Variants in BORCS5 observed in about 807,000 individuals in gnomAD.
BORCS5 encodes the protein BLOC-1-related complex subunit 5.
In BORCS5, 17 loss-of-function variants were observed where a neutral mutation model predicts 22.1. The observed-to-expected ratio is 0.77, with a 90% confidence interval of 0.53 to 1.15. The LOEUF (loss-of-function observed/expected upper bound fraction) is 1.15. Ranked by LOEUF, BORCS5 falls within the 50% of genes most tolerant of loss-of-function variation. The pLI is 0.00. For synonymous variants in BORCS5, 117 were observed against 99.8 expected (o/e 1.17, Z -1.03); for missense variants, 247 against 253.2 (o/e 0.98, Z 0.17).
intron 1 of BORCS5, among the ~76,000 whole-genome samples, chr12:12,358,386 C>A (rs1183329705): frequency 6.6e-6 from 1 of 152,190 alleles, no homozygotes; most frequent in Non-Finnish European, 1.5e-5. Flanking sequence ...GTGTGACTTT[C>A]AAGACTAGTT....
chr12:12,415,220 C>G (rs866738817), intron 2 of BORCS5, among the ~76,000 whole-genome samples: 1 of 151,124 alleles, frequency 6.6e-6, no homozygotes, highest in Non-Finnish European at 1.5e-5. Flanking sequence ...GAGGTTGTAG[C>G]GAGCCGAGAT....
intron 2 of BORCS5, among the ~76,000 whole-genome samples, chr12:12,428,243 T>TC (rs1402389948): frequency 6.6e-6 from 1 of 152,242 alleles, no homozygotes; most frequent in East Asian, 1.9e-4. Context: ...ACTGTGGGTT[T>TC]CCCCCCACCT....
intron 2 of BORCS5, among the ~76,000 whole-genome samples, chr12:12,394,103 A>G (rs1221012616): frequency 1.3e-5 from 2 of 151,898 alleles, no homozygotes; most frequent in African/African-American, 4.8e-5. Flanking sequence ...AGGTGGGTGG[A>G]TCACTTGAGG....
intron 2 of BORCS5, among the ~76,000 whole-genome samples, chr12:12,433,361 G>A (rs913513037): frequency 8.8e-5 from 13 of 147,208 alleles, no homozygotes; most frequent in Non-Finnish European, 1.5e-4. Flanking sequence ...AAATCTGCCC[G>A]GGTGCAGCGG....
In BORCS5 at chr12:12,451,666, G is replaced by T. The variant is rs1450930251; in HGVS notation, c.361-13880G>T. On this transcript the variant is annotated intron_variant, in intron 3 of 3. Transcript: ENST00000314565. ...TGGGAGGCCGAGGCGGGCGGATCACGAGGTCAAGAGATCAAGACCATTCTG... is the reference window on the plus strand; with the variant it reads ...TGGGAGGCCGAGGCGGGCGGATCACTAGGTCAAGAGATCAAGACCATTCTG... Among the ~76,000 whole-genome samples, 5 of 152,224 alleles carry T rather than the reference G, an allele frequency of 3.3e-5. No homozygotes were observed. The East Asian group carries it at 9.6e-4, about 29-fold the overall frequency.
chr12:12,357,987 A>G (rs754031152), intron 1 of BORCS5, among the ~76,000 whole-genome samples: 4 of 152,198 alleles, frequency 2.6e-5, no homozygotes, highest in Non-Finnish European at 5.9e-5. Context: ...TTTTCTTCTC[A>G]GAAGGTGTCT....
chr12:12,379,324 G>A (rs1245843903), intron 2 of BORCS5, among the ~76,000 whole-genome samples: 3 of 150,380 alleles, frequency 2.0e-5, no homozygotes, highest in Admixed American at 6.6e-5. Flanking sequence ...CATGTTAGCC[G>A]GGCTGGTCTT....
intron 2 of BORCS5, among the ~76,000 whole-genome samples, chr12:12,390,899 G>A (rs1483680074): frequency 1.3e-5 from 2 of 151,900 alleles, no homozygotes; most frequent in East Asian, 1.9e-4. Context: ...AAGCCACCAC[G>A]CCCGGCCTAA....
Position 12,357,305 on chromosome 12 carries a change from C to G in BORCS5, c.-147C>G. On this transcript the variant is annotated 5_prime_UTR_variant, in exon 1 of 4. Transcript: ENST00000314565. ...CGCCCAGGCCCCTGCGTGGGCTGGA[C>G]GCGTCAGCCCCACACATTAGCCTCG... The G allele has an allele frequency of 2.7e-6, 4 of 1,456,680 alleles. No homozygotes were observed. The highest frequency in any genetic ancestry group is 3.6e-6 in the Non-Finnish European group (4 of 1,102,816). The allele number at this position is 1,456,680 out of a possible 1,614,324, so 90.2% of individuals were successfully genotyped here.
At chr12:12,456,372 C>T (rs911403193) in intron 3 of BORCS5, among the ~76,000 whole-genome samples, 3 of 152,090 alleles carry the variant, frequency 2.0e-5, no homozygotes, top group South Asian at 2.1e-4. Context: ...TCAAGGCTCC[C>T]GTGAGCTATG....
At chr12:12,433,666 T>C (rs1217885579) in intron 2 of BORCS5, among the ~76,000 whole-genome samples, 2 of 152,208 alleles carry the variant, frequency 1.3e-5, no homozygotes, top group Non-Finnish European at 2.9e-5. Flanking sequence ...TTTCTGCTAA[T>C]ACTGGATTCA....
chr12:12,435,882 T>C, intron 3 of BORCS5, 97 bp downstream of exon 3: 1 of 1,219,558 alleles, frequency 8.2e-7, no homozygotes, highest in African/African-American at 1.5e-5. Flanking sequence ...CACTATTGCT[T>C]TGAGGAGATT....
At chr12:12,452,957 C>T (rs1942938930) in intron 3 of BORCS5, among the ~76,000 whole-genome samples, 1 of 152,128 alleles carries the variant, frequency 6.6e-6, no homozygotes, top group African/African-American at 2.4e-5. Flanking sequence ...CTAGAACGTG[C>T]CATATCTTGA....
intron 3 of BORCS5, among the ~76,000 whole-genome samples, chr12:12,457,530 G>A (rs1022498348): frequency 6.6e-6 from 1 of 152,150 alleles, no homozygotes; most frequent in African/African-American, 2.4e-5. Context: ...TTAGCTGGGC[G>A]AGGTGGTGGG....
At chr12:12,434,189 A>G (rs1385908344) in intron 2 of BORCS5, among the ~76,000 whole-genome samples, 1 of 147,460 alleles carries the variant, frequency 6.8e-6, no homozygotes, top group Non-Finnish European at 1.5e-5. Context: ...AGGCTGAGGT[A>G]GGAAGATTGC....
At chr12:12,399,341 C>T (rs762067895) in intron 2 of BORCS5, among the ~76,000 whole-genome samples, 1 of 152,066 alleles carries the variant, frequency 6.6e-6, no homozygotes, top group Non-Finnish European at 1.5e-5. Context: ...GGGTTTCTTA[C>T]GTAGCCCACT....
Position 12,470,187 on chromosome 12 carries a change from C to A in BORCS5, c.*4411C>A, listed in dbSNP as rs557684751. 1.3e-5 allele frequency among the ~76,000 whole-genome samples: 2 copies of A among 152,212 alleles called. No individual in the cohort carries two copies. The highest frequency in any genetic ancestry group is 2.9e-5 in the Non-Finnish European group (2 of 68,044). On this transcript the variant is annotated 3_prime_UTR_variant, in exon 4 of 4. Transcript: ENST00000314565. ...CCGGGTTCAAGCAGTTATACTGTCT[C>A]AGCCTCCCGAGTAGCTGGGACTACA... is the stretch of plus-strand genomic sequence containing the variant.
chr12:12,399,948 A>G (rs1207680981), intron 2 of BORCS5, among the ~76,000 whole-genome samples: 1 of 152,254 alleles, frequency 6.6e-6, no homozygotes, highest in African/African-American at 2.4e-5. Context: ...AAAGCTAAGC[A>G]TAGACATTAG....
At chr12:12,465,436 T>A in intron 3 of BORCS5, 110 bp from the exon 4 acceptor site, 1 of 944,836 alleles carries the variant, frequency 1.1e-6, no homozygotes, top group Non-Finnish European at 1.6e-6. Flanking sequence ...GTAAAACTTG[T>A]CAGCTTCCAC....
Sources: allele counts gnomAD v4.1 joint callset (sites outside exome capture counted in the v4.1 genomes callset), GRCh38; gene constraint gnomAD v4.1.1; transcripts MANE v1.5; gene names NCBI Gene and HGNC (gene_info 2026-07-23, HGNC 2026-07-21).